The following LTBP3 variants were observed in gnomAD, a reference collection of about 807,000 sequenced individuals.
The protein encoded by LTBP3 is latent-transforming growth factor beta-binding protein 3.
A neutral mutation model predicts 159.7 loss-of-function variants in LTBP3; 97 were observed. The ratio of observed to expected loss-of-function variants is 0.61; its 90% CI spans 0.52 to 0.72. The LOEUF is 0.72. Among genes scored for constraint, LTBP3 ranks in the 30% least tolerant of loss-of-function variants. The pLI, the probability that LTBP3 is intolerant of heterozygous loss-of-function variation, is 0.00. For missense variants in LTBP3, 1,584 were observed against 1,864.3 expected, an observed-to-expected ratio of 0.85 and a Z score of 2.77; for synonymous variants, 824 against 777.1, an observed-to-expected ratio of 1.06 and a Z score of -1.00.
chr11:65,547,883 C>T lies in LTBP3; in HGVS notation c.1846+37G>A. On this transcript the variant is annotated intron_variant, in intron 12 of 27. Coordinates refer to ENST00000301873, the MANE Select transcript of LTBP3 (RefSeq NM_001130144.3). This position sits in a 1 kb window ranked among gnomAD's most constrained non-coding sequence, Gnocchi z 4.6. ...AGCGTCGTTATCTGGGGTCCCCCCC[C>T]ACCCACCTGCATGCCCGCCGCCTGC... The T allele has an allele frequency of 1.9e-6, 3 of 1,613,380 alleles. No homozygotes were observed. The highest frequency in any genetic ancestry group is 2.5e-6 in the Non-Finnish European group (3 of 1,179,934).
At position 65,551,997 on chromosome 11, in the gene LTBP3, T is replaced by C; in HGVS notation, c.1506A>G (p.Pro502=). The C allele has an allele frequency of 2.5e-6, 4 of 1,614,000 alleles. No individual in the cohort carries two copies. Among genetic ancestry groups the C allele is most frequent in the Non-Finnish European group, 3.4e-6 (4 of 1,179,996 alleles). ...QLPESPSQAP[P]PEDTEEERGV... ...CTCTCTCTTCCTCTGTGTCCTCAGG[T>C]GGTGGAGCCTGGCTAGGGCTCTCCG... is the stretch of plus-strand genomic sequence containing the variant. Residue 502 remains proline (P), a synonymous_variant, in exon 8 of 28, where the codon CCA becomes CCG. Coordinates refer to ENST00000301873, the MANE Select transcript of LTBP3 (RefSeq NM_001130144.3).
chr11:65,546,151 G>A lies in LTBP3; in HGVS notation c.2353+291C>T, dbSNP rs1856356447. ...CCGCCTCTTGGCGTATAATAAACAGGAGTGCAGGGGGGAGTACTATCGTCT... is the reference window on the plus strand; with the variant it reads ...CCGCCTCTTGGCGTATAATAAACAGAAGTGCAGGGGGGAGTACTATCGTCT... On this transcript the variant is annotated intron_variant, in intron 16 of 27. Coordinates refer to ENST00000301873, the MANE Select transcript of LTBP3 (RefSeq NM_001130144.3). The surrounding 1 kb of genome is among the most constrained non-coding windows in gnomAD (Gnocchi z 4.0). 1 of 442,628 alleles carries A rather than the reference G, an allele frequency of 2.3e-6. No individual in the cohort carries two copies. 27.4% of individuals were successfully genotyped at this position (442,628 alleles called of 1,614,324 possible).
At chr11:65,542,964 G>GGATGGATGGATA (rs1427542207) in intron 18 of LTBP3, 141 bp downstream of exon 18, 3 of 1,066,936 alleles carry the variant, frequency 2.8e-6, no homozygotes, top group East Asian at 4.9e-5. Flanking sequence ...ATGGATGGAT[G>GGATGGATGGATA]GATGGATGGA....
rs760082553 is a variant in LTBP3 at position 65,539,337 on chromosome 11, G to C, written c.3751C>G (p.Arg1251Gly). 2 of 1,494,158 alleles carry C rather than the reference G, an allele frequency of 1.3e-6. No homozygotes were observed. Among genetic ancestry groups the C allele is most frequent in the South Asian group, 1.2e-5 (1 of 82,384 alleles). The allele number at this position is 1,494,158 out of a possible 1,614,324, so 92.6% of individuals were successfully genotyped here. A position where few individuals can be genotyped will look rare whatever the true frequency, so the allele number is the denominator to read the frequency against. The change falls in exon 27 of 28, where the codon CGC (arginine) becomes GGC (glycine). Residue 1251 changes from arginine to glycine, a missense_variant. Transcript: ENST00000301873. ...GGFQLDASRA[R>G]CVDIDECREL... ...CCGAAGCCCGGCTCACCCACGCAGC[G>C]GGCGCGGGAGGCGTCGAGCTGGAAG...
rs548790059 is a variant in LTBP3 at position 65,552,498 on chromosome 11, A to G, written c.1187-92T>C. The G allele has an allele frequency of 4.4e-4, 662 of 1,509,886 alleles. 1 individual carries two copies. Among genetic ancestry groups the G allele is most frequent in the Non-Finnish European group, 5.5e-4 (610 of 1,108,902 alleles). 93.5% of individuals were successfully genotyped at this position (1,509,886 alleles called of 1,614,324 possible). On this transcript the variant is annotated intron_variant, in intron 6 of 27. Coordinates refer to ENST00000301873, the MANE Select transcript of LTBP3 (RefSeq NM_001130144.3). The surrounding 1 kb of genome is among the most constrained non-coding windows in gnomAD (Gnocchi z 6.0). Reference sequence around the variant, plus strand: ...GCTGCAGACCTTGCCTCTCCGGCCCAGACAACCCTTGATCCCCCATGTGGT... The same window carrying G: ...GCTGCAGACCTTGCCTCTCCGGCCCGGACAACCCTTGATCCCCCATGTGGT...
In LTBP3 at chr11:65,552,108, G is replaced by A; in HGVS notation, c.1395C>T (p.Thr465=). 6.2e-7 allele frequency: 1 copy of A among 1,614,192 alleles called. No homozygotes were observed. The highest frequency in any genetic ancestry group is 8.5e-7 in the Non-Finnish European group (1 of 1,180,024). The stretch of plus-strand genomic sequence containing the variant: ...CCTGAATGGTGAGCGTCTGGTGGGA[G>A]GTGAGAATGTGGTATCCCTTCCCAG... ...CPAGKGYHIL[T]SHQTLTIQGE... is the part of the protein sequence containing the mutation. Residue 465 remains threonine, a synonymous_variant, in exon 8 of 28, where the codon ACC becomes ACT. Transcript: ENST00000301873. The surrounding 1 kb of genome is among the most constrained non-coding windows in gnomAD (Gnocchi z 6.0).
chr11:65,549,583 T>TG (rs1856517991), intron 11 of LTBP3, among the ~76,000 whole-genome samples: 1 of 129,262 alleles, frequency 7.7e-6, no homozygotes, highest in South Asian at 2.7e-4. Context: ...TTTTTTTTTT[T>TG]TTTTTTTTGG....
At position 65,557,925 on chromosome 11, in the gene LTBP3, G is replaced by C; in HGVS notation, c.35C>G (p.Ala12Gly). ...PGPRGAAGGL[A>G]PEMRGAGAAG... ...CGCCCCCGCCCCGCGCATCTCAGGG[G>C]CCAGGCCGCCAGCAGCCCCTCGGGG... Residue 12 changes from alanine to glycine, a missense_variant, in exon 1 of 28, where the codon GCC (alanine) becomes GGC (glycine). Physicochemically the swap from Ala to Gly is moderately conservative, Grantham distance 60. Coordinates refer to ENST00000301873, the MANE Select transcript of LTBP3 (RefSeq NM_001130144.3). The C allele has an allele frequency of 2.3e-5, 28 of 1,230,626 alleles. No homozygotes were observed. Among genetic ancestry groups the C allele is most frequent in the Non-Finnish European group, 2.8e-5 (27 of 978,170 alleles). The allele number at this position is 1,230,626 out of a possible 1,614,324, so 76.2% of individuals were successfully genotyped here.
In LTBP3 at chr11:65,553,956, C is replaced by G; in HGVS notation, c.662-53G>C. The G allele has an allele frequency of 1.3e-6, 2 of 1,537,968 alleles. No homozygotes were observed. The highest frequency in any genetic ancestry group is 1.8e-6 in the Non-Finnish European group (2 of 1,139,252). On this transcript the variant is annotated intron_variant, in intron 2 of 27. Transcript: ENST00000301873. This position sits in a 1 kb window ranked among gnomAD's most constrained non-coding sequence, Gnocchi z 6.5. ...CTGCCCGCACCGCGCCGCGGGTCAC[C>G]GCGCTGAGCTCCTCCAGGGCTGAAC...
At position 65,547,364 on chromosome 11, in the gene LTBP3, C is replaced by T; in HGVS notation, c.2107+75G>A. 1 of 1,516,896 alleles carries T rather than the reference C, an allele frequency of 6.6e-7. No homozygotes were observed. The highest frequency in any genetic ancestry group is 8.9e-7 in the Non-Finnish European group (1 of 1,124,652). The allele number at this position is 1,516,896 out of a possible 1,614,324, so 94.0% of individuals were successfully genotyped here. On this transcript the variant is annotated intron_variant, in intron 14 of 27. Coordinates refer to ENST00000301873, the MANE Select transcript of LTBP3 (RefSeq NM_001130144.3). The surrounding 1 kb of genome is among the most constrained non-coding windows in gnomAD (Gnocchi z 4.6). ...GTCTCGGGGGAAAAAAAAAAAAATG[C>T]AGGCACCCCAGCCCCACCCCAGGTG...
rs371878166 is a variant in LTBP3, at chr11:65,557,719, G to A, written c.241C>T (p.Arg81Trp). ...TTGGAGCCCTGCTGACAACTGTCCC[G>A]ACACTGGCCCTTGAGACAGGTCCGC... is the stretch of plus-strand genomic sequence containing the variant. ...CKRTCLKGQC[R>W]DSCQQGSNMT... Residue 81 changes from arginine to tryptophan, a missense_variant, in exon 1 of 28, where the codon CGG becomes TGG. By Grantham distance (101) the Arg-to-Trp change is moderately radical (BLOSUM62 -3). This residue lies in a region of LTBP3 where 76 missense variants were observed against 133.3 expected (regional missense o/e 0.57). Transcript: ENST00000301873. 94 of 1,609,190 alleles carry A rather than the reference G, an allele frequency of 5.8e-5. No individual in the cohort carries two copies. The highest frequency in any genetic ancestry group is 7.5e-5 in the Non-Finnish European group (88 of 1,179,864).
In LTBP3 at chr11:65,546,863, G is replaced by A. The variant is rs1006687940; in HGVS notation, c.2165C>T (p.Pro722Leu). 1.9e-6 allele frequency: 3 copies of A among 1,612,294 alleles called. No individual in the cohort carries two copies. Among genetic ancestry groups the A allele is most frequent in the Non-Finnish European group, 2.5e-6 (3 of 1,179,954 alleles). ...ACAGGCGATGCACTTGAAGCTCCCG[G>A]GCTTGTTCTCGCATTTGCCATCCGG... ...SCPDGKCENK[P>L]GSFKCIACQP... is the part of the protein sequence containing the mutation. The change falls in exon 15 of 28, where the codon CCC becomes CTC. Residue 722 changes from proline (P) to leucine (L), a missense_variant. By Grantham distance (98) the Pro-to-Leu change is moderately conservative (BLOSUM62 -3). Around this residue, in one of 6 missense-constraint regions of LTBP3, gnomAD observed 565 missense variants for 677.7 expected, o/e 0.83. Transcript: ENST00000301873. The surrounding 1 kb of genome is among the most constrained non-coding windows in gnomAD (Gnocchi z 4.0).
chr11:65,545,474 T>G (rs1309885293), intron 16 of LTBP3: 2 of 231,936 alleles, frequency 8.6e-6, no homozygotes, highest in Non-Finnish European at 1.7e-5. Flanking sequence ...TGCCCACGCA[T>G]GAGGACCCAT....
At chr11:65,557,170 C>T (rs1019914155) in intron 1 of LTBP3, among the ~76,000 whole-genome samples, 1 of 152,150 alleles carries the variant, frequency 6.6e-6, no homozygotes, top group Non-Finnish European at 1.5e-5. Context: ...AGCTCCTCCT[C>T]CCAGGGAATG....
intron 11 of LTBP3, among the ~76,000 whole-genome samples, chr11:65,550,716 C>G (rs1590779771): frequency 6.6e-6 from 1 of 151,758 alleles, no homozygotes; most frequent in African/African-American, 2.4e-5. Context: ...CCCAGCTACT[C>G]GGGAGGCTGA....
In LTBP3 at chr11:65,554,263, C is replaced by T; in HGVS notation, c.449G>A (p.Gly150Asp). 6.2e-7 allele frequency: 1 copy of T among 1,610,198 alleles called. No individual in the cohort carries two copies. The highest frequency in any genetic ancestry group is 8.5e-7 in the Non-Finnish European group (1 of 1,179,072). The change falls in exon 2 of 28, where the codon GGT (glycine) becomes GAT (aspartate). Residue 150 changes from glycine to aspartate, a missense_variant. Transcript: ENST00000301873. This position sits in a 1 kb window ranked among gnomAD's most constrained non-coding sequence, Gnocchi z 5.3. The stretch of plus-strand genomic sequence containing the variant: ...CAGGCCGGGGCCTGAGCCGCCGGTA[C>T]CCCCACCGGCTCCTCCTGCGGGCAC... ...CQVPAGGAGG[G>D]TGGSGPGLSR...
rs1376733950 is a variant in LTBP3 at position 65,546,267 on chromosome 11, G to A, written c.2353+175C>T. On this transcript the variant is annotated intron_variant, in intron 16 of 27. Transcript: ENST00000301873. The surrounding 1 kb of genome is among the most constrained non-coding windows in gnomAD (Gnocchi z 4.0). ...AGCTCTACCCCGAGACCCTTCCTAC[G>A]TGGAAATTCTAGTGGTGCCTTCCTT... 4 of 796,520 alleles carry A rather than the reference G, an allele frequency of 5.0e-6. No homozygotes were observed. The highest frequency in any genetic ancestry group is 7.6e-6 in the Non-Finnish European group (4 of 528,806). 49.3% of individuals were successfully genotyped at this position (796,520 alleles called of 1,614,324 possible).
chr11:65,557,567 G>A, intron 1 of LTBP3, 62 bp downstream of exon 1: 1 of 1,597,742 alleles, frequency 6.3e-7, no homozygotes, highest in Non-Finnish European at 8.5e-7. Context: ...GACCCCACTA[G>A]CTCTCCCACC....
At chr11:65,551,932 G>A (rs745492382) in intron 8 of LTBP3, 40 bp downstream of exon 8, 1 of 1,601,698 alleles carries the variant, frequency 6.2e-7, no homozygotes, top group Non-Finnish European at 8.5e-7. Flanking sequence ...AGGCCTAGGG[G>A]CTTGGCATGG....
Sources: allele counts gnomAD v4.1 joint callset (sites outside exome capture counted in the v4.1 genomes callset), GRCh38; gene constraint gnomAD v4.1.1; regional missense constraint gnomAD v4.1.1; non-coding constraint Gnocchi (gnomAD v3.1); transcripts MANE v1.5; gene names NCBI Gene and HGNC (gene_info 2026-07-23, HGNC 2026-07-21).